Variants in PDZRN4 observed in about 807,000 individuals in gnomAD.
The protein encoded by PDZRN4 is PDZ domain containing ring finger 4, also known as PDZ domain-containing RING finger protein 4.
Under a neutral mutation model 99.0 loss-of-function variants are expected in PDZRN4, and 70 were observed. That is an observed-to-expected ratio of 0.71 (90% CI 0.58 to 0.86). The LOEUF (loss-of-function observed/expected upper bound fraction) is 0.86, where lower values mean the gene tolerates loss of function less well. PDZRN4 is among the 40% of genes least tolerant of loss of function. The pLI is 0.00. For synonymous variants in PDZRN4, 551 were observed against 501.6 expected, an observed-to-expected ratio of 1.10 and a Z score of -1.32; for missense variants, 1,474 against 1,331.2, an observed-to-expected ratio of 1.11 and a Z score of -1.67.
intron 6 of PDZRN4, among the ~76,000 whole-genome samples, chr12:41,554,923 C>A (rs1042552294): frequency 6.6e-5 from 10 of 151,496 alleles, no homozygotes; most frequent in African/African-American, 1.9e-4. Flanking sequence ...TAAGTATGGT[C>A]TTGGGCCGGA....
intron 5 of PDZRN4, among the ~76,000 whole-genome samples, chr12:41,545,485 C>A (rs11180990): frequency 0.38 from 56,917 of 150,700 alleles, 10,867 homozygotes; most frequent in South Asian, 0.44. Context: ...TTTCCCTCTG[C>A]CCCAGCCCAT....
chr12:41,436,635 G>T (rs534547146), intron 3 of PDZRN4, among the ~76,000 whole-genome samples: 2 of 152,300 alleles, frequency 1.3e-5, no homozygotes, highest in South Asian at 4.1e-4. Flanking sequence ...ATAAGTCAGT[G>T]TGGGAACAAA....
chr12:41,447,366 A>G lies in PDZRN4; in HGVS notation c.844-59090A>G, dbSNP rs76768635. Among the ~76,000 whole-genome samples the G allele has an allele frequency of 9.9e-5, 15 of 152,256 alleles. No homozygotes were observed. The East Asian group carries it at 2.9e-3, about 29-fold the overall frequency. On this transcript the variant is annotated intron_variant, in intron 3 of 9. Transcript: ENST00000402685. ...ATGTTTTACTAAGATGGCACATTGT[A>G]GTGTTACTGTCTTTGGTGATTGCAC...
chr12:41,253,027 G>A (rs1171189534), intron 3 of PDZRN4, among the ~76,000 whole-genome samples: 1 of 152,146 alleles, frequency 6.6e-6, no homozygotes, highest in East Asian at 1.9e-4. Context: ...GTAGTGAGAT[G>A]AACATGTGGG....
At chr12:41,230,029 C>T (rs889635176) in intron 3 of PDZRN4, among the ~76,000 whole-genome samples, 95 of 151,824 alleles carry the variant, frequency 6.3e-4, no homozygotes, top group Admixed American at 6.1e-3. Flanking sequence ...CCTTATAATT[C>T]AACAGTAATC....
chr12:41,515,697 T>C (rs1938389831), intron 5 of PDZRN4, among the ~76,000 whole-genome samples: 1 of 152,124 alleles, frequency 6.6e-6, no homozygotes, highest in Middle Eastern at 3.4e-3. Context: ...CTGTGGCATG[T>C]TTCTCCTTAT....
intron 3 of PDZRN4, among the ~76,000 whole-genome samples, chr12:41,246,634 G>A (rs1041821987): frequency 6.6e-6 from 1 of 152,128 alleles, no homozygotes; most frequent in African/African-American, 2.4e-5. Flanking sequence ...ATCAACTGCA[G>A]GGGCTTGACA....
intron 3 of PDZRN4, among the ~76,000 whole-genome samples, chr12:41,337,840 A>T (rs1473225642): frequency 6.6e-6 from 1 of 152,140 alleles, no homozygotes; most frequent in Non-Finnish European, 1.5e-5. Flanking sequence ...CCAAAGCAAT[A>T]CTATAAAATG....
intron 3 of PDZRN4, among the ~76,000 whole-genome samples, chr12:41,231,299 T>C (rs1319659959): frequency 6.6e-6 from 1 of 152,118 alleles, no homozygotes; most frequent in African/African-American, 2.4e-5. Flanking sequence ...AAAATATATG[T>C]ATGTTAACAT....
chr12:41,278,020 G>A (rs562024910), intron 3 of PDZRN4, among the ~76,000 whole-genome samples: 5 of 152,152 alleles, frequency 3.3e-5, no homozygotes, highest in African/African-American at 1.2e-4. Context: ...TGCTAATGAC[G>A]CTCTTAGATG....
chr12:41,441,660 C>G (rs1228090635), intron 3 of PDZRN4, among the ~76,000 whole-genome samples: 2 of 152,124 alleles, frequency 1.3e-5, no homozygotes, highest in Non-Finnish European at 2.9e-5. Context: ...CTCATATAAT[C>G]TCCCTTCTCT....
At chr12:41,224,136 AT>A (rs764014532) in intron 3 of PDZRN4, among the ~76,000 whole-genome samples, 41 of 152,286 alleles carry the variant, frequency 2.7e-4, no homozygotes, top group Non-Finnish European at 5.3e-4. Context: ...CACCCATAGG[AT>A]TTTGTCCTGG....
chr12:41,504,438 T>C (rs1238774037), intron 3 of PDZRN4, among the ~76,000 whole-genome samples: 2 of 152,152 alleles, frequency 1.3e-5, no homozygotes, highest in African/African-American at 4.8e-5. Flanking sequence ...TTTTACCTAC[T>C]GCATCAATTC....
chr12:41,448,507 G>A (rs192023777), intron 3 of PDZRN4, among the ~76,000 whole-genome samples: 8 of 109,784 alleles, frequency 7.3e-5, no homozygotes, highest in Admixed American at 6.8e-4. Flanking sequence ...TTCTGTGTGT[G>A]TATTTCAGTT....
chr12:41,556,534 AG>A (rs1281013579), intron 7 of PDZRN4, among the ~76,000 whole-genome samples: 2 of 152,228 alleles, frequency 1.3e-5, no homozygotes, highest in African/African-American at 4.8e-5. Flanking sequence ...GTATAGTAAA[AG>A]CATGGTATTA....
At chr12:41,332,216 G>A (rs1010416177) in intron 3 of PDZRN4, among the ~76,000 whole-genome samples, 1 of 152,116 alleles carries the variant, frequency 6.6e-6, no homozygotes, top group Non-Finnish European at 1.5e-5. Flanking sequence ...CGTTCACCTG[G>A]AATGTGTGTT....
intron 3 of PDZRN4, among the ~76,000 whole-genome samples, chr12:41,370,311 T>G (rs533890719): frequency 6.6e-6 from 1 of 151,988 alleles, no homozygotes; most frequent in East Asian, 1.9e-4. Context: ...ATACTGATAA[T>G]TTATTTATCT....
At chr12:41,410,872 T>C (rs1952393049) in intron 3 of PDZRN4, among the ~76,000 whole-genome samples, 1 of 151,872 alleles carries the variant, frequency 6.6e-6, no homozygotes. Context: ...AGCGTAGGTT[T>C]TGGGGGATAT....
chr12:41,372,695 G>C (rs974766152), intron 3 of PDZRN4, among the ~76,000 whole-genome samples: 2 of 152,108 alleles, frequency 1.3e-5, no homozygotes. Context: ...TGGGGGTTGA[G>C]GAGGTGTGAT....
Sources: allele counts gnomAD v4.1 joint callset (sites outside exome capture counted in the v4.1 genomes callset), GRCh38; gene constraint gnomAD v4.1.1; transcripts MANE v1.5; gene names NCBI Gene and HGNC (gene_info 2026-07-23, HGNC 2026-07-21).